Variants in SH3D19 observed in about 807,000 individuals in gnomAD.
SH3D19 encodes SH3 domain containing 19, also known as SH3 domain-containing protein 19.
SH3D19 carries 58 observed loss-of-function variants against 112.1 expected under a neutral mutation model. That is an observed-to-expected ratio of 0.52 (90% CI 0.42 to 0.64). The LOEUF (loss-of-function observed/expected upper bound fraction) is 0.64. SH3D19 is among the 30% of genes least tolerant of loss of function. The probability of loss-of-function intolerance (pLI) is 0.00; values close to 1 mark genes in which losing one functional copy is unlikely to be tolerated. For synonymous variants in SH3D19, 391 were observed against 448.5 expected (o/e 0.87, Z 1.62); for missense variants, 1,090 against 1,263.4 (o/e 0.86, Z 2.08).
chr4:151,322,821 C>T (rs1170511477), intron 1 of SH3D19, among the ~76,000 whole-genome samples: 1 of 152,150 alleles, frequency 6.6e-6, no homozygotes, highest in Non-Finnish European at 1.5e-5. Context: ...TCATTACTTG[C>T]TTTCTGCTGG....
At chr4:151,259,654 T>A (rs988395287) in intron 1 of SH3D19, 1 of 152,760 alleles carries the variant, frequency 6.5e-6, no homozygotes, top group Non-Finnish European at 1.5e-5. Context: ...CTGGCCCTGC[T>A]GTGTGGAGAC....
rs1748031753 is a variant in SH3D19 at position 151,121,968 on chromosome 4, T to C, written c.*123A>G. ...GTTTTCTGCTTTCAGAAAATTCTAGTGTACCATGTACAGCTTAGATATTTC... is the reference window on the plus strand; with the variant it reads ...GTTTTCTGCTTTCAGAAAATTCTAGCGTACCATGTACAGCTTAGATATTTC... On this transcript the variant is annotated 3_prime_UTR_variant, in exon 20 of 20. Transcript: ENST00000604030. 2 of 572,156 alleles carry C rather than the reference T, an allele frequency of 3.5e-6. No homozygotes were observed. The highest frequency in any genetic ancestry group is 5.5e-5 in the South Asian group (2 of 36,538). 35.4% of individuals were successfully genotyped at this position (572,156 alleles called of 1,614,324 possible). A position where few individuals can be genotyped will look rare whatever the true frequency, so the allele number is the denominator to read the frequency against.
At chr4:151,304,689 CTAGAGAATGAGATGG>C (rs1561447535) in intron 1 of SH3D19, among the ~76,000 whole-genome samples, 1 of 152,048 alleles carries the variant, frequency 6.6e-6, no homozygotes, top group Non-Finnish European at 1.5e-5. Context: ...GGAAGATAGG[CTAGAGAATGAGATGG>C]TTTGAGGAAT....
chr4:151,198,031 T>G (rs1224869111), intron 2 of SH3D19, among the ~76,000 whole-genome samples: 3 of 151,968 alleles, frequency 2.0e-5, no homozygotes, highest in Admixed American at 1.3e-4. Context: ...TCAGGCCAGG[T>G]GCGGTGGCTC....
intron 1 of SH3D19, among the ~76,000 whole-genome samples, chr4:151,237,046 C>A (rs912646052): frequency 1.3e-5 from 2 of 152,190 alleles, no homozygotes; most frequent in Non-Finnish European, 2.9e-5. Flanking sequence ...TCACTCTTCA[C>A]GATAAACCTT....
intron 1 of SH3D19, chr4:151,283,022 G>A: frequency 9.0e-7 from 1 of 1,108,172 alleles, no homozygotes; most frequent in South Asian, 1.8e-5. Context: ...GCTGCTTTTG[G>A]ATTCCCATTC....
intron 2 of SH3D19, among the ~76,000 whole-genome samples, chr4:151,222,409 T>C: frequency 6.6e-6 from 1 of 152,220 alleles, no homozygotes; most frequent in East Asian, 1.9e-4. Flanking sequence ...TTGAGATTTA[T>C]TTGCAAACAT....
chr4:151,302,575 C>T (rs748074766), intron 1 of SH3D19, among the ~76,000 whole-genome samples: 4 of 152,054 alleles, frequency 2.6e-5, no homozygotes, highest in Admixed American at 1.3e-4. Context: ...GCTTGCAGAC[C>T]ACGTGGACTT....
Position 151,315,175 on chromosome 4 carries a change from T to C in SH3D19, c.112+10066A>G, listed in dbSNP as rs1049423759. ...GTGACCTTGAGGAGATTATTCACCC[T>C]TTCTAGGCCTCAGGTTCCTCATCTG... On this transcript the variant is annotated intron_variant, in intron 1 of 19. Coordinates refer to ENST00000604030, the MANE Select transcript of SH3D19 (RefSeq NM_001378122.1). Among the ~76,000 whole-genome samples the C allele has an allele frequency of 2.0e-5, 3 of 152,176 alleles. No individual in the cohort carries two copies. The South Asian group carries it at 6.2e-4, about 32-fold the overall frequency.
chr4:151,175,385 G>C lies in SH3D19; in HGVS notation c.819C>G (p.Ser273Arg). The change falls in exon 7 of 20, where the codon AGC becomes AGG. Residue 273 changes from serine to arginine, a missense_variant. Physicochemically the swap from Ser to Arg is moderately radical, Grantham distance 110. Transcript: ENST00000604030. ...GRPQSLLDNA[S>R]TSDSQAVMNI... is the part of the protein sequence containing the mutation. ...TCATCACTGCCTGACTGTCTGAGGT[G>C]CTAGCGTTGTCCAGCAGAGACTGGG... 1.3e-6 allele frequency: 2 copies of C among 1,582,352 alleles called. No homozygotes were observed. Among genetic ancestry groups the C allele is most frequent in the Non-Finnish European group, 1.7e-6 (2 of 1,164,300 alleles).
intron 1 of SH3D19, among the ~76,000 whole-genome samples, chr4:151,270,844 G>A (rs909111786): frequency 6.6e-6 from 1 of 152,182 alleles, no homozygotes; most frequent in Non-Finnish European, 1.5e-5. Flanking sequence ...TCTTGTCCAA[G>A]TTCAAAAACT....
intron 9 of SH3D19, among the ~76,000 whole-genome samples, chr4:151,150,216 T>G (rs1437265465): frequency 2.0e-5 from 1 of 51,278 alleles, no homozygotes; most frequent in African/African-American, 4.2e-5. Context: ...AATATATATA[T>G]ATATATATAT....
In SH3D19 at chr4:151,256,638, G is replaced by T. The variant is rs59615563; in HGVS notation, c.113-30552C>A. On this transcript the variant is annotated intron_variant, in intron 1 of 19. Transcript: ENST00000604030. Reference sequence around the variant, plus strand: ...GGGGAAAAATTTTCTCCTGACTAAAGAGTATTGTTCTTATTATCTGATGAT... The same window carrying T: ...GGGGAAAAATTTTCTCCTGACTAAATAGTATTGTTCTTATTATCTGATGAT... Among the ~76,000 whole-genome samples, 848 of 151,074 alleles carry T rather than the reference G, an allele frequency of 5.6e-3. 9 individuals carry two copies. Among genetic ancestry groups the T allele is most frequent in the African/African-American group, 0.02 (808 of 41,226 alleles).
chr4:151,141,869 G>A (rs10964), intron 12 of SH3D19, among the ~76,000 whole-genome samples: 128,220 of 152,158 alleles, frequency 0.84, 55,215 homozygotes, highest in Non-Finnish European at 0.95. Context: ...ACATAAACCA[G>A]TCCTTGGAGG....
chr4:151,281,050 G>C (rs542848908), intron 1 of SH3D19, among the ~76,000 whole-genome samples: 2 of 152,202 alleles, frequency 1.3e-5, no homozygotes, highest in South Asian at 4.2e-4. Context: ...CCAGACAAAA[G>C]GGGAATAAAA....
chr4:151,310,024 C>A (rs141654917), intron 1 of SH3D19, among the ~76,000 whole-genome samples: 57 of 151,698 alleles, frequency 3.8e-4, no homozygotes, highest in African/African-American at 1.3e-3. Flanking sequence ...TGGCTCATGC[C>A]TGTAATCCCA....
chr4:151,128,307 G>C lies in SH3D19; in HGVS notation c.2792C>G (p.Ala931Gly), dbSNP rs370276794. 1.7e-5 allele frequency: 28 copies of C among 1,613,924 alleles called. No individual in the cohort carries two copies. Among genetic ancestry groups the C allele is most frequent in the Non-Finnish European group, 2.3e-5 (27 of 1,179,964 alleles). The change falls in exon 18 of 20, where the codon GCA becomes GGA. Residue 931 changes from alanine (A) to glycine (G), a missense_variant. By Grantham distance (60) the Ala-to-Gly change is moderately conservative. Coordinates refer to ENST00000604030, the MANE Select transcript of SH3D19 (RefSeq NM_001378122.1). Reference sequence around the variant, plus strand: ...GAATGATAAGTCATCACTGGTCTCTGCTGTAAAACTGTGAAGAGCTTCACA... The same window carrying C: ...GAATGATAAGTCATCACTGGTCTCTCCTGTAAAACTGTGAAGAGCTTCACA... ...EWCEALHSFT[A>G]ETSDDLSFKR...
chr4:151,226,067 T>C lies in SH3D19; in HGVS notation c.132A>G (p.Lys44=). The C allele has an allele frequency of 1.6e-6, 2 of 1,231,680 alleles. No individual in the cohort carries two copies. The highest frequency in any genetic ancestry group is 2.0e-6 in the Non-Finnish European group (2 of 987,608). The allele number at this position is 1,231,680 out of a possible 1,614,324, so 76.3% of individuals were successfully genotyped here. A position where few individuals can be genotyped will look rare whatever the true frequency, so the allele number is the denominator to read the frequency against. ...HSAADRNERN[K]PEHRSSSQGP... ...CATACCTTGAAGAACGATGTTCTGG[T>C]TTATTTCGTTCGTTGCGATCTGTAG... is the stretch of plus-strand genomic sequence containing the variant. The change falls in exon 2 of 20, where the codon AAA becomes AAG. Residue 44 remains lysine (K), a synonymous_variant. Coordinates refer to ENST00000604030, the MANE Select transcript of SH3D19 (RefSeq NM_001378122.1).
At chr4:151,240,107 G>T (rs376031952) in intron 1 of SH3D19, among the ~76,000 whole-genome samples, 6 of 51,412 alleles carry the variant, frequency 1.2e-4, no homozygotes, top group African/African-American at 1.7e-4. Flanking sequence ...GCTACCAAAA[G>T]AAATTTTTTT....
Sources: gnomAD v4.1 joint callset for allele counts (sites outside exome capture counted in the v4.1 genomes callset) on GRCh38, gnomAD v4.1.1 for gene constraint, MANE v1.5 for transcripts, NCBI Gene and HGNC (gene_info 2026-07-23, HGNC 2026-07-21) for gene names.